MAD1L1: variants seen among roughly 807,000 people sequenced by gnomAD.
MAD1L1 encodes mitotic arrest deficient 1 like 1, also known as mitotic spindle assembly checkpoint protein MAD1.
A neutral mutation model predicts 96.9 loss-of-function variants in MAD1L1; 95 were observed. The ratio of observed to expected loss-of-function variants is 0.98; its 90% CI spans 0.83 to 1.16. The LOEUF (loss-of-function observed/expected upper bound fraction) is 1.16. Ranked by LOEUF, MAD1L1 falls within the 50% of genes most tolerant of loss-of-function variation. The pLI, the probability that MAD1L1 is intolerant of heterozygous loss-of-function variation, is 0.00. For synonymous variants in MAD1L1, 473 were observed against 396.6 expected, an observed-to-expected ratio of 1.19 and a Z score of -2.29; for missense variants, 1,007 against 954.4, an observed-to-expected ratio of 1.06 and a Z score of -0.73.
chr7:1,914,902 C>T (rs1285693147), intron 17 of MAD1L1, among the ~76,000 whole-genome samples: 6 of 152,256 alleles, frequency 3.9e-5, no homozygotes, highest in Non-Finnish European at 8.8e-5. Context: ...GCATGAGTGC[C>T]GCGCCGGCCC....
chr7:1,887,976 T>C (rs542513652), intron 18 of MAD1L1, among the ~76,000 whole-genome samples: 26 of 82,490 alleles, frequency 3.2e-4, no homozygotes, highest in Admixed American at 2.6e-3. Context: ...CCTATGCATG[T>C]GTGTGTGCAT....
intron 16 of MAD1L1, among the ~76,000 whole-genome samples, chr7:1,949,373 T>A (rs1779382862): frequency 6.6e-6 from 1 of 152,058 alleles, no homozygotes; most frequent in Non-Finnish European, 1.5e-5. Flanking sequence ...AAGACGTGGA[T>A]CTCCTCCCTC....
At position 2,128,066 on chromosome 7, in the gene MAD1L1, C is replaced by T. The variant is rs118131435; in HGVS notation, c.1073+21086G>A. Among the ~76,000 whole-genome samples, 1,236 of 152,274 alleles carry T rather than the reference C, an allele frequency of 8.1e-3. 15 individuals are homozygous for T. The highest frequency in any genetic ancestry group is 0.028 in the Admixed American group (433 of 15,298). ...AAAACGCTTTTTAAATCACAGTCGT[C>T]GGTTACAACTCATCAACTCGGGCTC... is the stretch of plus-strand genomic sequence containing the variant. On this transcript the variant is annotated intron_variant, in intron 11 of 18. Transcript: ENST00000265854.
intron 11 of MAD1L1, among the ~76,000 whole-genome samples, chr7:2,130,353 C>A (rs575222823): frequency 2.4e-4 from 37 of 152,340 alleles, no homozygotes; most frequent in African/African-American, 8.7e-4. Flanking sequence ...TCTCTCCACG[C>A]CATTACAGCC....
At chr7:1,833,115 C>T (rs1394337286) in intron 18 of MAD1L1, among the ~76,000 whole-genome samples, 10 of 152,190 alleles carry the variant, frequency 6.6e-5, no homozygotes, top group African/African-American at 2.2e-4. Context: ...AGAACATGTA[C>T]ATTGTTTTTT....
intron 10 of MAD1L1, among the ~76,000 whole-genome samples, chr7:2,164,481 C>T (rs937106486): frequency 6.6e-6 from 1 of 151,620 alleles, no homozygotes; most frequent in Non-Finnish European, 1.5e-5. Flanking sequence ...GCCCATCGCC[C>T]GAGCAGGGGC....
chr7:2,219,854 G>A (rs906040931), intron 5 of MAD1L1, among the ~76,000 whole-genome samples: 1 of 152,120 alleles, frequency 6.6e-6, no homozygotes, highest in African/African-American at 2.4e-5. Flanking sequence ...AGGAGACCGG[G>A]CCCCAGCCAG....
At chr7:1,851,949 C>T (rs1033016500) in intron 18 of MAD1L1, among the ~76,000 whole-genome samples, 4 of 152,082 alleles carry the variant, frequency 2.6e-5, no homozygotes, top group Admixed American at 2.0e-4. Flanking sequence ...GGGAAGAGCT[C>T]GGGGAGGCAG....
chr7:1,864,481 C>T (rs1784683677), intron 18 of MAD1L1, among the ~76,000 whole-genome samples: 1 of 152,256 alleles, frequency 6.6e-6, no homozygotes, highest in Admixed American at 6.5e-5. Flanking sequence ...TGAACACCCC[C>T]CTGCCGGGAG....
chr7:2,184,885 C>T (rs1791385495), intron 10 of MAD1L1, among the ~76,000 whole-genome samples: 1 of 152,096 alleles, frequency 6.6e-6, no homozygotes, highest in East Asian at 1.9e-4. Context: ...GCCTGTAATC[C>T]CAGCTAGTCG....
chr7:1,943,618 T>TTCAGCA (rs1779099394), intron 16 of MAD1L1, among the ~76,000 whole-genome samples: 2 of 152,004 alleles, frequency 1.3e-5, no homozygotes, highest in South Asian at 4.2e-4. Flanking sequence ...AACAACACGT[T>TTCAGCA]GGTGAGGATG....
chr7:1,843,906 T>C (rs1783428813), intron 18 of MAD1L1, among the ~76,000 whole-genome samples: 2 of 152,172 alleles, frequency 1.3e-5, no homozygotes, highest in Non-Finnish European at 2.9e-5. Context: ...TCTCTTCCAC[T>C]TCAGCCACGG....
chr7:2,190,336 C>G (rs921510422), intron 10 of MAD1L1, among the ~76,000 whole-genome samples: 4 of 152,108 alleles, frequency 2.6e-5, no homozygotes, highest in Non-Finnish European at 5.9e-5. Context: ...GAAAGCGACC[C>G]TCAACTGTGA....
chr7:2,034,554 G>A (rs751699467), intron 12 of MAD1L1, among the ~76,000 whole-genome samples: 3 of 152,124 alleles, frequency 2.0e-5, no homozygotes, highest in Admixed American at 6.5e-5. Flanking sequence ...AAGAAACATC[G>A]TACAGCCAAA....
intron 9 of MAD1L1, among the ~76,000 whole-genome samples, chr7:2,214,079 G>A (rs55947430): frequency 0.027 from 4,188 of 152,326 alleles, 95 homozygotes; most frequent in Middle Eastern, 0.061. Flanking sequence ...CATTCGCTAC[G>A]CGCCAGGCAC....
rs1473020323 is a variant in MAD1L1, at chr7:2,026,781, T to G, written c.1219-12139A>C. 2.6e-5 allele frequency among the ~76,000 whole-genome samples: 4 copies of G among 152,186 alleles called. No homozygotes were observed. In the East Asian group the frequency reaches 7.7e-4, roughly 29 times the overall value. On this transcript the variant is annotated intron_variant, in intron 12 of 18. Coordinates refer to ENST00000265854, the MANE Select transcript of MAD1L1 (RefSeq NM_001013836.2). Reference sequence around the variant, plus strand: ...ATACAACACATCAAAACGTACGGTATGCAACTAAATTGACAACCTTAAATG... The same window carrying G: ...ATACAACACATCAAAACGTACGGTAGGCAACTAAATTGACAACCTTAAATG...
intron 15 of MAD1L1, among the ~76,000 whole-genome samples, chr7:1,958,476 G>A (rs1177917646): frequency 1.3e-5 from 2 of 152,192 alleles, no homozygotes; most frequent in African/African-American, 4.8e-5. Flanking sequence ...CAGGAGCAGG[G>A]ACAGCTATTC....
chr7:1,821,035 C>T (rs1481311906), intron 18 of MAD1L1, among the ~76,000 whole-genome samples: 2 of 136,282 alleles, frequency 1.5e-5, no homozygotes, highest in East Asian at 2.3e-4. Flanking sequence ...GAGCCGAGAT[C>T]GTGCCACTGC....
Position 2,138,523 on chromosome 7 carries a change from G to C in MAD1L1, c.1073+10629C>G, listed in dbSNP as rs112527185. Among the ~76,000 whole-genome samples, 1,087 of 152,342 alleles carry C rather than the reference G, an allele frequency of 7.1e-3. 7 individuals carry two copies. The highest frequency in any genetic ancestry group is 0.02 in the Middle Eastern group (6 of 294). ...GGAAGGAACCACATCAAGAGGTGGG[G>C]ATTGGGGGCATGAATGCCAGACGCA... On this transcript the variant is annotated intron_variant, in intron 11 of 18. Coordinates refer to ENST00000265854, the MANE Select transcript of MAD1L1 (RefSeq NM_001013836.2).
Sources: allele counts gnomAD v4.1 joint callset (sites outside exome capture counted in the v4.1 genomes callset), GRCh38; gene constraint gnomAD v4.1.1; transcripts MANE v1.5; gene names NCBI Gene and HGNC (gene_info 2026-07-23, HGNC 2026-07-21).